The following TOM1 variants were observed in gnomAD, a reference collection of about 807,000 sequenced individuals.
The protein encoded by TOM1 is target of Myb protein 1.
Under a neutral mutation model 61.3 loss-of-function variants are expected in TOM1, and 38 were observed. The ratio of observed to expected loss-of-function variants is 0.62; its 90% CI spans 0.48 to 0.81. The LOEUF is 0.81. Ranked by LOEUF, TOM1 falls within the 40% of genes least tolerant of loss-of-function variation. TOM1 has a pLI of 0.00. For missense variants in TOM1, 591 were observed against 659.6 expected, an observed-to-expected ratio of 0.90 and a Z score of 1.14; for synonymous variants, 270 against 268.8, an observed-to-expected ratio of 1.00 and a Z score of -0.04.
intron 8 of TOM1, among the ~76,000 whole-genome samples, chr22:35,331,836 C>T (rs546259745): frequency 6.6e-6 from 1 of 151,762 alleles, no homozygotes; most frequent in African/African-American, 2.4e-5. Flanking sequence ...TGCAATGAGC[C>T]GAGATCGCAC....
intron 3 of TOM1, 58 bp downstream of exon 3, chr22:35,322,095 C>G: frequency 6.6e-7 from 1 of 1,519,944 alleles, no homozygotes; most frequent in Non-Finnish European, 9.1e-7. Flanking sequence ...AAGTCACCTC[C>G]CCTCAGACCC....
chr22:35,338,809 G>T, intron 12 of TOM1, 21 bp downstream of exon 12: 1 of 1,555,546 alleles, frequency 6.4e-7, no homozygotes, highest in Non-Finnish European at 8.7e-7. Flanking sequence ...GGGCCATCCT[G>T]CCACCCTGGG....
chr22:35,304,262 A>G (rs138745), intron 1 of TOM1, among the ~76,000 whole-genome samples: 78,044 of 151,848 alleles, frequency 0.51, 22,881 homozygotes, highest in Non-Finnish European at 0.65. Context: ...CACAACTCTT[A>G]TTCTACCCTC....
At chr22:35,333,311 C>A in intron 9 of TOM1, 93 bp from the exon 10 acceptor site, 1 of 1,204,596 alleles carries the variant, frequency 8.3e-7, no homozygotes, top group African/African-American at 1.5e-5. Flanking sequence ...GGTGACAGAT[C>A]CCTGGGCAAA....
chr22:35,335,066 G>T (rs1929186151), intron 11 of TOM1, among the ~76,000 whole-genome samples: 1 of 152,180 alleles, frequency 6.6e-6, no homozygotes, highest in Non-Finnish European at 1.5e-5. Flanking sequence ...TAGGCACGTG[G>T]CCTGAGTGTG....
Position 35,323,410 on chromosome 22 carries a change from G to A in TOM1, c.367-86G>A. 1.4e-6 allele frequency: 2 copies of A among 1,466,966 alleles called. No individual in the cohort carries two copies. The allele number at this position is 1,466,966 out of a possible 1,614,324, so 90.9% of individuals were successfully genotyped here. The stretch of plus-strand genomic sequence containing the variant: ...TAAAAAAAAAAAAAAAGCAGGGAAA[G>A]AATGTCTGTTCTCTGTCTGAGTGCC... On this transcript the variant is annotated intron_variant, in intron 4 of 14. Transcript: ENST00000449058. This position sits in a 1 kb window ranked among gnomAD's most constrained non-coding sequence, Gnocchi z 4.2.
chr22:35,305,001 C>T (rs967517610), intron 1 of TOM1, among the ~76,000 whole-genome samples: 1 of 152,142 alleles, frequency 6.6e-6, no homozygotes, highest in African/African-American at 2.4e-5. Context: ...AGACTGAGCC[C>T]TGGAGGGGAA....
intron 1 of TOM1, among the ~76,000 whole-genome samples, chr22:35,313,850 G>A (rs1319999309): frequency 6.6e-6 from 1 of 152,246 alleles, no homozygotes. Context: ...ACAGGTGGAG[G>A]ATTGCAGGGC....
intron 7 of TOM1, among the ~76,000 whole-genome samples, chr22:35,329,245 CG>C (rs1928609868): frequency 6.6e-6 from 1 of 152,322 alleles, no homozygotes; most frequent in Non-Finnish European, 1.5e-5. Flanking sequence ...CACGAGCCAC[CG>C]GGTGTAGCCA....
chr22:35,339,721 G>A (rs1307794544), intron 12 of TOM1, among the ~76,000 whole-genome samples: 6 of 151,894 alleles, frequency 4.0e-5, no homozygotes, highest in Non-Finnish European at 8.8e-5. Context: ...CGGCTAAAAC[G>A]GTGAAACCCC....
chr22:35,300,037 C>T (rs892954907), intron 1 of TOM1, 57 bp downstream of exon 1: 26 of 1,543,790 alleles, frequency 1.7e-5, no homozygotes, highest in Non-Finnish European at 2.1e-5. Flanking sequence ...CAGCTTCGGT[C>T]CCCTGGGAAG....
At chr22:35,346,170 A>G (rs1167467333) in intron 13 of TOM1, among the ~76,000 whole-genome samples, 1 of 152,222 alleles carries the variant, frequency 6.6e-6, no homozygotes, top group Non-Finnish European at 1.5e-5. Flanking sequence ...TTTACAGATC[A>G]GAAGACCGAT....
chr22:35,331,121 G>A (rs1265668178), intron 8 of TOM1, among the ~76,000 whole-genome samples: 1 of 133,506 alleles, frequency 7.5e-6, no homozygotes, highest in Non-Finnish European at 1.6e-5. Context: ...TTTGAGGCAC[G>A]ATCTTGCTCT....
At chr22:35,322,109 A>C (rs945617931) in intron 3 of TOM1, 72 bp downstream of exon 3, 60 of 1,393,710 alleles carry the variant, frequency 4.3e-5, no homozygotes, top group Non-Finnish European at 4.1e-5. Flanking sequence ...CAGACCCAGC[A>C]GGACTCCCAG....
chr22:35,325,770 C>G (rs1928257442), intron 6 of TOM1, among the ~76,000 whole-genome samples: 1 of 152,200 alleles, frequency 6.6e-6, no homozygotes, highest in Admixed American at 6.5e-5. Flanking sequence ...CTAATTACTT[C>G]CAATGCAAGA....
chr22:35,318,221 G>A (rs556746249), intron 2 of TOM1: 2 of 555,118 alleles, frequency 3.6e-6, no homozygotes, highest in African/African-American at 3.7e-5. Flanking sequence ...ACACGGATCT[G>A]GAAGCCCAGC....
At chr22:35,345,272 C>G (rs1243383918) in intron 12 of TOM1, 3 of 202,310 alleles carry the variant, frequency 1.5e-5, no homozygotes, top group Non-Finnish European at 2.1e-5. Flanking sequence ...CTGGGGACCC[C>G]TGGCCCACTA....
At position 35,323,810 on chromosome 22, in the gene TOM1, G is replaced by T; in HGVS notation, c.544G>T (p.Gly182Cys). The change falls in exon 6 of 15, where the codon GGC becomes TGC. Residue 182 changes from glycine (G) to cysteine (C), a missense_variant. Gly to Cys is a radical substitution (Grantham distance 159). Transcript: ENST00000449058. The surrounding 1 kb of genome is among the most constrained non-coding windows in gnomAD (Gnocchi z 4.2). ...SETQSGQDSV[G>C]TDSSQQEDSG... ...GACACAATCAGGACAGGATTCTGTG[G>T]GCACTGACTCCAGCCAGCAAGAGGA... 1.2e-6 allele frequency: 2 copies of T among 1,613,078 alleles called. No individual in the cohort carries two copies. The highest frequency in any genetic ancestry group is 1.7e-6 in the Non-Finnish European group (2 of 1,179,502).
chr22:35,316,425 G>A (rs533368149), intron 1 of TOM1, among the ~76,000 whole-genome samples: 54 of 152,332 alleles, frequency 3.5e-4, no homozygotes, highest in African/African-American at 1.3e-3. Flanking sequence ...CAGGCCATGC[G>A]GCACCTCCCT....
Sources: allele counts gnomAD v4.1 joint callset (sites outside exome capture counted in the v4.1 genomes callset), GRCh38; gene constraint gnomAD v4.1.1; non-coding constraint Gnocchi (gnomAD v3.1); transcripts MANE v1.5; gene names NCBI Gene and HGNC (gene_info 2026-07-23, HGNC 2026-07-21).